Variants in HTR4 observed in about 807,000 individuals in gnomAD.
HTR4 encodes the protein 5-hydroxytryptamine receptor 4.
Under a neutral mutation model 36.8 loss-of-function variants are expected in HTR4, and 16 were observed. The observed-to-expected ratio is 0.43, with a 90% CI of 0.29 to 0.66. HTR4 has a LOEUF of 0.66. HTR4 is among the 30% of genes least tolerant of loss of function. The pLI is 0.13. For synonymous variants in HTR4, 189 were observed against 185.1 expected, an observed-to-expected ratio of 1.02 and a Z score of -0.17; for missense variants, 438 against 490.9, an observed-to-expected ratio of 0.89 and a Z score of 1.02.
At chr5:148,504,302 C>T (rs1757079596) in intron 6 of HTR4, among the ~76,000 whole-genome samples, 1 of 152,162 alleles carries the variant, frequency 6.6e-6, no homozygotes, top group African/African-American at 2.4e-5. Context: ...TCTCTCAGAC[C>T]ACAGTGCAAT....
rs71001490 is a variant in HTR4, at chr5:148,463,165, C to CTTTTTTTTTTTTTTTTTTTTT, written c.1077-11914_1077-11894dup. On this transcript the variant is annotated intron_variant, in intron 5 of 5. Coordinates refer to the HTR4 transcript ENST00000521530. ...CTTTGCTTTTCATTTCTTTTTTTTT[C>CTTTTTTTTTTTTTTTTTTTTT]TTTTTTTTTTTTTTTTTTTTTTTTT... Among the ~76,000 whole-genome samples the CTTTTTTTTTTTTTTTTTTTTT allele has an allele frequency of 1.8e-3, 113 of 64,152 alleles. 1 individual carries two copies. The highest frequency in any genetic ancestry group is 4.6e-3 in the South Asian group (6 of 1,298). 42.1% of individuals were successfully genotyped at this position (64,152 alleles called of 152,430 possible). A position where few individuals can be genotyped will look rare whatever the true frequency, so the allele number is the denominator to read the frequency against.
chr5:148,650,076 AC>A (rs1380095656), intron 1 of HTR4, among the ~76,000 whole-genome samples: 1 of 152,144 alleles, frequency 6.6e-6, no homozygotes, highest in Non-Finnish European at 1.5e-5. Flanking sequence ...ATAGTAGGGT[AC>A]ATGAGATGTT....
intron 2 of HTR4, among the ~76,000 whole-genome samples, chr5:148,613,118 C>T (rs1450805146): frequency 5.4e-5 from 8 of 148,684 alleles, no homozygotes; most frequent in African/African-American, 1.7e-4. Flanking sequence ...GGAACTGGTA[C>T]CATTCCTTCT....
chr5:148,582,268 G>T (rs2127247181), intron 2 of HTR4, among the ~76,000 whole-genome samples: 1 of 152,100 alleles, frequency 6.6e-6, no homozygotes, highest in East Asian at 1.9e-4. Flanking sequence ...ATACATATAA[G>T]ATCATGTCAT....
chr5:148,617,180 G>C (rs1390750250), intron 2 of HTR4, among the ~76,000 whole-genome samples: 1 of 152,172 alleles, frequency 6.6e-6, no homozygotes, highest in Non-Finnish European at 1.5e-5. Context: ...TCTCACAATA[G>C]TGAGTGATTT....
chr5:148,555,632 C>T (rs1334276704), intron 2 of HTR4, among the ~76,000 whole-genome samples: 3 of 152,308 alleles, frequency 2.0e-5, no homozygotes, highest in Non-Finnish European at 4.4e-5. Flanking sequence ...CAGCTTTCAT[C>T]TGGCTGAAGA....
At chr5:148,611,722 C>T (rs200766752) in intron 2 of HTR4, among the ~76,000 whole-genome samples, 16,757 of 151,398 alleles carry the variant, frequency 0.11, 1,073 homozygotes, top group East Asian at 0.33. Context: ...AATTAAAAGA[C>T]ACAGACTGGC....
intron 6 of HTR4, among the ~76,000 whole-genome samples, chr5:148,506,566 T>C (rs545511860): frequency 1.4e-3 from 212 of 152,160 alleles, no homozygotes; most frequent in Middle Eastern, 3.4e-3. Flanking sequence ...CAAAAGAAAC[T>C]ACCATCAGAG....
intron 2 of HTR4, among the ~76,000 whole-genome samples, chr5:148,601,790 G>A (rs1205265592): frequency 6.6e-6 from 1 of 152,144 alleles, no homozygotes; most frequent in Non-Finnish European, 1.5e-5. Context: ...GACACAGCAA[G>A]ACCCTATCTC....
intron 5 of HTR4, among the ~76,000 whole-genome samples, chr5:148,519,324 T>A (rs1007532973): frequency 2.6e-5 from 4 of 152,160 alleles, no homozygotes; most frequent in Non-Finnish European, 4.4e-5. Flanking sequence ...TTTTAGGTGG[T>A]TTCTTTCCCA....
chr5:148,519,860 G>A lies in HTR4; in HGVS notation c.507+3333C>T, dbSNP rs927530218. Among the ~76,000 whole-genome samples the A allele has an allele frequency of 4.6e-5, 7 of 152,182 alleles. No homozygotes were observed. The East Asian group carries it at 1.3e-3, about 29-fold the overall frequency. On this transcript the variant is annotated intron_variant, in intron 5 of 6. Transcript: ENST00000377888. Reference sequence around the variant, plus strand: ...AATGGACCCTAAGTGTACTGCTGAAGTGCTGTCTGGTGTTTGTAATTGCAA... The same window carrying A: ...AATGGACCCTAAGTGTACTGCTGAAATGCTGTCTGGTGTTTGTAATTGCAA...
chr5:148,507,105 CA>C (rs1450211298), intron 6 of HTR4, among the ~76,000 whole-genome samples: 1 of 151,980 alleles, frequency 6.6e-6, no homozygotes, highest in East Asian at 1.9e-4. Context: ...TTCACAATAG[CA>C]AACACTTGGA....
At chr5:148,500,396 A>G (rs531508717) in intron 6 of HTR4, among the ~76,000 whole-genome samples, 1 of 152,216 alleles carries the variant, frequency 6.6e-6, no homozygotes, top group Non-Finnish European at 1.5e-5. Flanking sequence ...AGCCTCTAAA[A>G]GAGACTGGGA....
intron 2 of HTR4, among the ~76,000 whole-genome samples, chr5:148,600,777 G>A (rs1023436442): frequency 3.3e-5 from 5 of 151,140 alleles, no homozygotes; most frequent in Admixed American, 2.0e-4. Context: ...TTTTTTTTAG[G>A]TATGACACCA....
chr5:148,592,055 C>T (rs1004601154), intron 2 of HTR4, among the ~76,000 whole-genome samples: 2 of 152,036 alleles, frequency 1.3e-5, no homozygotes, highest in Non-Finnish European at 2.9e-5. Context: ...TGTGCAGCCA[C>T]GTAAAAGAAT....
intron 2 of HTR4, among the ~76,000 whole-genome samples, chr5:148,594,015 A>G (rs1462953005): frequency 6.6e-6 from 1 of 152,176 alleles, no homozygotes; most frequent in Non-Finnish European, 1.5e-5. Context: ...ATTCTTTATT[A>G]TACGTCATTA....
intron 6 of HTR4, among the ~76,000 whole-genome samples, chr5:148,495,303 A>T (rs1289875907): frequency 1.3e-5 from 2 of 152,306 alleles, no homozygotes; most frequent in Admixed American, 6.5e-5. Context: ...GAGGATGGGG[A>T]TTATCTACCA....
intron 4 of HTR4, among the ~76,000 whole-genome samples, chr5:148,530,727 C>G (rs192950601): frequency 1.3e-5 from 2 of 152,322 alleles, no homozygotes; most frequent in South Asian, 2.1e-4. Flanking sequence ...GATCCACCAA[C>G]AGCTTGCACT....
At chr5:148,491,326 T>A (rs60701781) in intron 6 of HTR4, among the ~76,000 whole-genome samples, 45,378 of 151,682 alleles carry the variant, frequency 0.3, 7,201 homozygotes, top group Non-Finnish European at 0.37. Flanking sequence ...CTATATATTT[T>A]TTTTTTTTTG....
Sources: gnomAD v4.1 joint callset for allele counts (sites outside exome capture counted in the v4.1 genomes callset) on GRCh38, gnomAD v4.1.1 for gene constraint, MANE v1.5 for transcripts, NCBI Gene and HGNC (gene_info 2026-07-23, HGNC 2026-07-21) for gene names.